SPAG16: variants seen among roughly 807,000 people sequenced by gnomAD.
SPAG16 encodes the protein sperm-associated antigen 16 protein.
In SPAG16, 86 loss-of-function variants were observed where a neutral mutation model predicts 80.4. That is an observed-to-expected ratio of 1.07 (90% CI 0.90 to 1.28). The LOEUF (loss-of-function observed/expected upper bound fraction) is 1.28. Ranked by LOEUF, SPAG16 falls within the 50% of genes most tolerant of loss-of-function variation. SPAG16 has a pLI of 0.00. For synonymous variants in SPAG16, 294 were observed against 265.9 expected, an observed-to-expected ratio of 1.11 and a Z score of -1.03; for missense variants, 870 against 765.3, an observed-to-expected ratio of 1.14 and a Z score of -1.61.
At chr2:214,353,109 G>T (rs1234921302) in intron 15 of SPAG16, among the ~76,000 whole-genome samples, 1 of 151,898 alleles carries the variant, frequency 6.6e-6, no homozygotes, top group Admixed American at 6.6e-5. Flanking sequence ...TTACAAATGG[G>T]TCATAATCTA....
intron 15 of SPAG16, among the ~76,000 whole-genome samples, chr2:214,235,125 T>C (rs1688987407): frequency 6.6e-6 from 1 of 152,206 alleles, no homozygotes; most frequent in African/African-American, 2.4e-5. Flanking sequence ...GATTTTGTGA[T>C]ATTCATAAAA....
At chr2:214,381,171 A>G (rs1338234083) in intron 15 of SPAG16, among the ~76,000 whole-genome samples, 1 of 152,264 alleles carries the variant, frequency 6.6e-6, no homozygotes, top group Non-Finnish European at 1.5e-5. Flanking sequence ...GGGCTTGTAC[A>G]GAGAACAGTT....
At chr2:213,595,407 AC>A (rs1336290707) in intron 10 of SPAG16, among the ~76,000 whole-genome samples, 1 of 152,166 alleles carries the variant, frequency 6.6e-6, no homozygotes, top group Non-Finnish European at 1.5e-5. Flanking sequence ...TTAGACAAAG[AC>A]ACATAGGCAG....
intron 12 of SPAG16, among the ~76,000 whole-genome samples, chr2:213,936,063 G>T (rs770153778): frequency 9.2e-5 from 14 of 152,092 alleles, no homozygotes; most frequent in Non-Finnish European, 1.8e-4. Context: ...AAACAGGAAG[G>T]TCGAGAAAAT....
intron 10 of SPAG16, among the ~76,000 whole-genome samples, chr2:213,731,211 T>C (rs920885211): frequency 1.6e-4 from 23 of 143,442 alleles, no homozygotes; most frequent in Admixed American, 6.8e-4. Context: ...GGCTGGAGTG[T>C]AGTGGCGCGA....
intron 13 of SPAG16, among the ~76,000 whole-genome samples, chr2:214,043,119 T>G (rs553576411): frequency 2.0e-5 from 3 of 151,874 alleles, no homozygotes; most frequent in Non-Finnish European, 4.4e-5. Context: ...ACCTTAGTCA[T>G]GCAGTTCTGC....
intron 15 of SPAG16, among the ~76,000 whole-genome samples, chr2:214,276,144 T>C (rs1421831544): frequency 6.6e-6 from 1 of 152,230 alleles, no homozygotes. Context: ...TTCCATTTGC[T>C]TGGTAGATCT....
chr2:213,912,279 C>T (rs939886665), intron 11 of SPAG16, among the ~76,000 whole-genome samples: 1 of 152,050 alleles, frequency 6.6e-6, no homozygotes, highest in African/African-American at 2.4e-5. Flanking sequence ...TAGTTATACA[C>T]TTTCTGATTA....
At chr2:213,313,900 C>CT (rs1276449874) in intron 4 of SPAG16, among the ~76,000 whole-genome samples, 2 of 151,748 alleles carry the variant, frequency 1.3e-5, no homozygotes, top group African/African-American at 4.8e-5. Context: ...TTCCCTAAAT[C>CT]TTTATGAAAA....
intron 10 of SPAG16, among the ~76,000 whole-genome samples, chr2:213,784,801 T>A (rs1355882432): frequency 1.3e-5 from 2 of 149,346 alleles, no homozygotes; most frequent in African/African-American, 4.9e-5. Context: ...AAGTTTATTA[T>A]TTTTTTTTTG....
chr2:214,044,600 C>T (rs778889578), intron 13 of SPAG16, among the ~76,000 whole-genome samples: 1 of 152,188 alleles, frequency 6.6e-6, no homozygotes, highest in African/African-American at 2.4e-5. Flanking sequence ...AGAGTACCTG[C>T]TTTTAACTTC....
intron 10 of SPAG16, among the ~76,000 whole-genome samples, chr2:213,853,538 T>A (rs1356051321): frequency 6.6e-6 from 1 of 152,206 alleles, no homozygotes; most frequent in Non-Finnish European, 1.5e-5. Context: ...CATTAGGGCA[T>A]GACTTGATTA....
At chr2:213,350,445 G>GAA in intron 6 of SPAG16, 83 bp from the exon 7 acceptor site, 1 of 692,392 alleles carries the variant, frequency 1.4e-6, no homozygotes. Context: ...AAAAGAAAAA[G>GAA]AAAAAAAGGT....
intron 10 of SPAG16, among the ~76,000 whole-genome samples, chr2:213,715,229 T>TATCC (rs2066180650): frequency 2.1e-5 from 3 of 139,930 alleles, no homozygotes; most frequent in South Asian, 2.6e-4. Flanking sequence ...TCTGTCTATC[T>TATCC]ATCTATCTAT....
intron 15 of SPAG16, among the ~76,000 whole-genome samples, chr2:214,248,174 A>G (rs1413667851): frequency 6.6e-6 from 1 of 151,898 alleles, no homozygotes; most frequent in Non-Finnish European, 1.5e-5. Context: ...AAGAAACATA[A>G]AAATATTGAC....
At chr2:213,856,090 A>G (rs779654758) in intron 10 of SPAG16, among the ~76,000 whole-genome samples, 6 of 152,220 alleles carry the variant, frequency 3.9e-5, no homozygotes, top group Admixed American at 6.5e-5. Flanking sequence ...TCCTAGACAC[A>G]CTGGGGATAC....
intron 15 of SPAG16, among the ~76,000 whole-genome samples, chr2:214,194,097 C>T (rs1030416171): frequency 6.6e-6 from 1 of 152,002 alleles, no homozygotes; most frequent in African/African-American, 2.4e-5. Context: ...TTATTTAAGA[C>T]TGTAACTGAC....
chr2:213,448,206 A>G (rs1016381455), intron 9 of SPAG16, among the ~76,000 whole-genome samples: 1 of 152,270 alleles, frequency 6.6e-6, no homozygotes, highest in Non-Finnish European at 1.5e-5. Context: ...ATGCAAATGC[A>G]GTGCAATTGG....
chr2:213,509,729 T>C lies in SPAG16; in HGVS notation c.1070+19639T>C, dbSNP rs561788441. Among the ~76,000 whole-genome samples the C allele has an allele frequency of 1.1e-4, 17 of 152,010 alleles. 1 individual carries two copies. The highest frequency in any genetic ancestry group is 2.2e-4 in the Non-Finnish European group (15 of 67,964). ...AAGAGAAAGCATGAAAGATCTAAAATTGACACCCTAACATCACAATTAAAA... is the reference window on the plus strand; with the variant it reads ...AAGAGAAAGCATGAAAGATCTAAAACTGACACCCTAACATCACAATTAAAA... On this transcript the variant is annotated intron_variant, in intron 10 of 15. Transcript: ENST00000331683.
Sources: gnomAD v4.1 joint callset for allele counts (sites outside exome capture counted in the v4.1 genomes callset) on GRCh38, gnomAD v4.1.1 for gene constraint, MANE v1.5 for transcripts, NCBI Gene and HGNC (gene_info 2026-07-23, HGNC 2026-07-21) for gene names.